The following KDM5B variants were observed in gnomAD, a reference collection of about 807,000 sequenced individuals.
KDM5B encodes the protein lysine demethylase 5B, also known as lysine-specific demethylase 5B.
Under a neutral mutation model 193.4 loss-of-function variants are expected in KDM5B, and 144 were observed. That is an observed-to-expected ratio of 0.74 (90% CI 0.65 to 0.86). The LOEUF is 0.86. Ranked by LOEUF, KDM5B falls within the 40% of genes least tolerant of loss-of-function variation. The pLI, the probability that KDM5B is intolerant of heterozygous loss-of-function variation, is 0.00. For missense variants in KDM5B, 1,833 were observed against 1,886.9 expected, an observed-to-expected ratio of 0.97 and a Z score of 0.53; for synonymous variants, 668 against 682.6, an observed-to-expected ratio of 0.98 and a Z score of 0.33.
Position 202,766,844 on chromosome 1 carries a change from A to G in KDM5B, c.711+82T>C, listed in dbSNP as rs968577923. ...AGGTTCAAAACTACAAAGAGCACAC[A>G]CATGAGAGAAATCCAGTGCCAGACA... On this transcript the variant is annotated intron_variant, in intron 5 of 26. Transcript: ENST00000367265. The G allele has an allele frequency of 2.1e-6, 3 of 1,425,974 alleles. No individual in the cohort carries two copies. The African/African-American group carries it at 4.3e-5, about 21-fold the overall frequency. 88.3% of individuals were successfully genotyped at this position (1,425,974 alleles called of 1,614,324 possible). A position where few individuals can be genotyped will look rare whatever the true frequency, so the allele number is the denominator to read the frequency against.
intron 1 of KDM5B, among the ~76,000 whole-genome samples, chr1:202,794,623 C>A (rs112152964): frequency 6.6e-6 from 1 of 152,164 alleles, no homozygotes; most frequent in Non-Finnish European, 1.5e-5. Context: ...TTAAATGGTA[C>A]ATATACCATT....
rs1434397288 is a variant in KDM5B at position 202,736,406 on chromosome 1, A to G, written c.3085-14T>C. On this transcript the variant is annotated splice_polypyrimidine_tract_variant and intron_variant, in intron 20 of 26. Transcript: ENST00000367265. ...ACGTCCTCCAGCCTAATAAGTCAAG[A>G]AAAATTACAGCAGTTTAGAGAAAAG... is the stretch of plus-strand genomic sequence containing the variant. 2 of 1,529,420 alleles carry G rather than the reference A, an allele frequency of 1.3e-6. No homozygotes were observed. Among genetic ancestry groups the G allele is most frequent in the Non-Finnish European group, 1.8e-6 (2 of 1,136,612 alleles). 94.7% of individuals were successfully genotyped at this position (1,529,420 alleles called of 1,614,324 possible). A position where few individuals can be genotyped will look rare whatever the true frequency, so the allele number is the denominator to read the frequency against.
chr1:202,783,752 G>A (rs2102316485), intron 1 of KDM5B, among the ~76,000 whole-genome samples: 1 of 152,110 alleles, frequency 6.6e-6, no homozygotes, highest in East Asian at 1.9e-4. Context: ...GTGGTGGCGG[G>A]CGCCTGTAGT....
intron 20 of KDM5B, among the ~76,000 whole-genome samples, 196 bp downstream of exon 20, chr1:202,740,478 C>A (rs1353451119): frequency 7.1e-6 from 1 of 140,634 alleles, no homozygotes; most frequent in Non-Finnish European, 1.6e-5. Context: ...ACCTCCCTCC[C>A]GGACGGGGCG....
At chr1:202,744,098 CT>C (rs1655456641) in intron 16 of KDM5B, among the ~76,000 whole-genome samples, 1 of 152,078 alleles carries the variant, frequency 6.6e-6, no homozygotes, top group African/African-American at 2.4e-5. Context: ...TGACAAAGGT[CT>C]AATATCCAGC....
rs117051681 is a variant in KDM5B at position 202,733,919 on chromosome 1, C to T, written c.3424-33G>A. 5.6e-5 allele frequency: 88 copies of T among 1,575,800 alleles called. No individual in the cohort carries two copies. In the Middle Eastern group the frequency reaches 6.9e-4, roughly 12 times the overall value. ...AGAGTTAACAATCAAGGATGATGTC[C>T]GAGATGGCTTGGCCTTCCCCTAAAA... On this transcript the variant is annotated intron_variant, in intron 22 of 26. Transcript: ENST00000367265.
At chr1:202,764,337 T>C (rs1357927752) in intron 5 of KDM5B, among the ~76,000 whole-genome samples, 192 bp from the exon 6 acceptor site, 1 of 152,020 alleles carries the variant, frequency 6.6e-6, no homozygotes, top group African/African-American at 2.4e-5. Flanking sequence ...ATGAGAAATT[T>C]AAAAATAGGG....
chr1:202,730,709 A>G (rs1398091449), intron 25 of KDM5B, among the ~76,000 whole-genome samples, 200 bp downstream of exon 25: 6 of 152,200 alleles, frequency 3.9e-5, no homozygotes, highest in Middle Eastern at 3.2e-3. Flanking sequence ...AGGAAGTGGC[A>G]GCAGCCGCAG....
chr1:202,803,703 C>G (rs1019254871), intron 1 of KDM5B, among the ~76,000 whole-genome samples: 1 of 151,928 alleles, frequency 6.6e-6, no homozygotes, highest in Non-Finnish European at 1.5e-5. Context: ...CATGCCCACC[C>G]AGCTACTCAG....
intron 25 of KDM5B, among the ~76,000 whole-genome samples, 178 bp downstream of exon 25, chr1:202,730,731 A>G (rs1654852781): frequency 6.6e-6 from 1 of 152,224 alleles, no homozygotes; most frequent in African/African-American, 2.4e-5. Flanking sequence ...ATCCTTAACT[A>G]TGTTAAGAAA....
intron 26 of KDM5B, 54 bp downstream of exon 26, chr1:202,729,653 C>T (rs1654800242): frequency 4.0e-6 from 6 of 1,498,202 alleles, no homozygotes; most frequent in Non-Finnish European, 5.5e-6. Flanking sequence ...GTCTAGCTTA[C>T]AGGGTTTCTG....
chr1:202,803,238 C>G (rs796781290), intron 1 of KDM5B, among the ~76,000 whole-genome samples: 3 of 152,234 alleles, frequency 2.0e-5, no homozygotes, highest in East Asian at 3.9e-4. Flanking sequence ...ACTCATTTCG[C>G]TCTTTTAAAA....
At chr1:202,755,155 A>T in intron 11 of KDM5B, 116 bp downstream of exon 11, 2 of 712,716 alleles carry the variant, frequency 2.8e-6, no homozygotes, top group Non-Finnish European at 4.7e-6. Context: ...GAAAAACCTT[A>T]GGGAAAAAAG....
At position 202,762,753 on chromosome 1, in the gene KDM5B, A is replaced by C; in HGVS notation, c.864T>G (p.Ile288Met). 1 of 1,612,334 alleles carries C rather than the reference A, an allele frequency of 6.2e-7. No individual in the cohort carries two copies. The highest frequency in any genetic ancestry group is 1.1e-5 in the South Asian group (1 of 91,040). Residue 288 changes from isoleucine (I) to methionine (M), a missense_variant, in exon 7 of 27, where the codon ATT becomes ATG. Ile to Met is a conservative substitution (Grantham distance 10). Coordinates refer to ENST00000367265, the MANE Select transcript of KDM5B (RefSeq NM_006618.5). ...KQEPIERKDYIVENEKEKPKS... is the reference protein window; with the variant it reads ...KQEPIERKDYMVENEKEKPKS... ...TGGGCTTTTCCTTCTCATTTTCTACAATATAATCTTTCCTCTCAATAGGTT... is the reference window on the plus strand; with the variant it reads ...TGGGCTTTTCCTTCTCATTTTCTACCATATAATCTTTCCTCTCAATAGGTT...
chr1:202,760,596 A>T, intron 7 of KDM5B, 23 bp from the exon 8 acceptor site: 1 of 1,542,738 alleles, frequency 6.5e-7, no homozygotes, highest in Non-Finnish European at 8.8e-7. Context: ...AAGTGGGTAC[A>T]GAACAAAGGA....
intron 1 of KDM5B, among the ~76,000 whole-genome samples, chr1:202,801,019 C>T (rs937210452): frequency 6.6e-6 from 1 of 152,196 alleles, no homozygotes; most frequent in African/African-American, 2.4e-5. Context: ...TCACTTATAA[C>T]CTGAATAGGA....
intron 21 of KDM5B, 114 bp from the exon 22 acceptor site, chr1:202,735,701 G>T: frequency 1.0e-6 from 1 of 980,390 alleles, no homozygotes; most frequent in Non-Finnish European, 1.5e-6. Flanking sequence ...TCTTAGTATT[G>T]AAGATTTTCT....
intron 1 of KDM5B, among the ~76,000 whole-genome samples, chr1:202,789,381 C>T (rs1453620767): frequency 1.3e-5 from 2 of 150,816 alleles, no homozygotes; most frequent in Admixed American, 6.6e-5. Flanking sequence ...ACTAGCGGGA[C>T]GCGGTGGTGG....
At chr1:202,756,031 T>C (rs1655997159) in intron 10 of KDM5B, among the ~76,000 whole-genome samples, 1 of 151,314 alleles carries the variant, frequency 6.6e-6, no homozygotes, top group Non-Finnish European at 1.5e-5. Context: ...GAACTCTTCC[T>C]AAGAGTTCGC....
Sources: allele counts gnomAD v4.1 joint callset (sites outside exome capture counted in the v4.1 genomes callset), GRCh38; gene constraint gnomAD v4.1.1; transcripts MANE v1.5; gene names NCBI Gene and HGNC (gene_info 2026-07-23, HGNC 2026-07-21).